Variants in IDE observed in about 807,000 individuals in gnomAD.
IDE encodes the protein insulin-degrading enzyme.
A neutral mutation model predicts 133.2 loss-of-function variants in IDE; 58 were observed. The ratio of observed to expected loss-of-function variants is 0.44; its 90% CI spans 0.35 to 0.54. IDE has a LOEUF of 0.54. Ranked by LOEUF, IDE falls within the 20% of genes least tolerant of loss-of-function variation. IDE has a pLI of 0.00. For synonymous variants in IDE, 396 were observed against 421.3 expected (o/e 0.94, Z 0.73); for missense variants, 981 against 1,234.0 (o/e 0.79, Z 3.07).
At chr10:92,559,252 A>G (rs1202866068) in intron 1 of IDE, 1 of 152,228 alleles carries the variant, frequency 6.6e-6, no homozygotes, top group Admixed American at 6.5e-5. Context: ...CATATGACCT[A>G]GCAATTCCGC....
intron 22 of IDE, 58 bp from the exon 23 acceptor site, chr10:92,456,489 G>A: frequency 8.8e-7 from 1 of 1,130,564 alleles, no homozygotes; most frequent in East Asian, 2.3e-5. Context: ...TTACAATGAG[G>A]TGTTCTCTGA....
At position 92,506,531 on chromosome 10, in the gene IDE, G is replaced by T. The variant is rs775097477; in HGVS notation, c.1246-9C>A. Reference sequence around the variant, plus strand: ...GCAACAGCATTCAAGTCCTAAAATAGAAAGTTAATCCAATTAGATACGGCC... The same window carrying T: ...GCAACAGCATTCAAGTCCTAAAATATAAAGTTAATCCAATTAGATACGGCC... On this transcript the variant is annotated splice_polypyrimidine_tract_variant and intron_variant, in intron 9 of 24. Coordinates refer to ENST00000265986, the MANE Select transcript of IDE (RefSeq NM_004969.4). The T allele has an allele frequency of 6.9e-7, 1 of 1,444,104 alleles. No homozygotes were observed. Among genetic ancestry groups the T allele is most frequent in the East Asian group, 2.3e-5 (1 of 43,528 alleles). The allele number at this position is 1,444,104 out of a possible 1,614,324, so 89.5% of individuals were successfully genotyped here. A position where few individuals can be genotyped will look rare whatever the true frequency, so the allele number is the denominator to read the frequency against.
intron 1 of IDE, among the ~76,000 whole-genome samples, chr10:92,552,288 G>A (rs998051769): frequency 2.6e-5 from 4 of 152,138 alleles, no homozygotes; most frequent in African/African-American, 9.7e-5. Context: ...TAGAATTGAG[G>A]AAATAAGAAA....
At position 92,554,023 on chromosome 10, in the gene IDE, A is replaced by G. The variant is rs183284195; in HGVS notation, c.99-16473T>C. 4.6e-3 allele frequency among the ~76,000 whole-genome samples: 695 copies of G among 152,352 alleles called. 2 individuals are homozygous for G. Among genetic ancestry groups the G allele is most frequent in the African/African-American group, 0.016 (655 of 41,588 alleles). On this transcript the variant is annotated intron_variant, in intron 1 of 24. Coordinates refer to ENST00000265986, the MANE Select transcript of IDE (RefSeq NM_004969.4). ...ACCAAAACTACACAAAGACACATCA[A>G]AAAAGGAAAACTACAGGCCAATATC...
In IDE at chr10:92,508,126, G is replaced by A. The variant is rs768474700; in HGVS notation, c.1140C>T (p.Thr380=). Residue 380 remains threonine (T), a synonymous_variant, in exon 8 of 25, where the codon ACC becomes ACT. Transcript: ENST00000265986. Reference sequence around the variant, plus strand: ...ATCAATACTTACATAATCCTTCCTCGGTCAAGTCCACATTAATGATAAAAA... The same window carrying A: ...ATCAATACTTACATAATCCTTCCTCAGTCAAGTCCACATTAATGATAAAAA... ...FMFFIINVDL[T]EEGLLHVEDI... is the part of the protein sequence containing the mutation. The A allele has an allele frequency of 5.3e-5, 85 of 1,610,404 alleles. No individual in the cohort carries two copies. Among genetic ancestry groups the A allele is most frequent in the Middle Eastern group, 1.6e-4 (1 of 6,074 alleles).
Position 92,463,777 on chromosome 10 carries a change from A to G in IDE, c.2715T>C (p.Ala905=), listed in dbSNP as rs776684607. 2 of 1,614,172 alleles carry G rather than the reference A, an allele frequency of 1.2e-6. No individual in the cohort carries two copies. Among genetic ancestry groups the G allele is most frequent in the Admixed American group, 3.3e-5 (2 of 60,024 alleles). ...DKPKKLSAEC[A]KYWGEIISQQ... The stretch of plus-strand genomic sequence containing the variant: ...GGGAGATGATTTCTCCCCAGTATTT[A>G]GCACACTCAGCAGATAGCTTCTTTG... Residue 905 remains alanine (A), a synonymous_variant, in exon 21 of 25, where the codon GCT becomes GCC. Coordinates refer to ENST00000265986, the MANE Select transcript of IDE (RefSeq NM_004969.4).
At chr10:92,503,453 A>C (rs940765938) in intron 11 of IDE, among the ~76,000 whole-genome samples, 4 of 152,152 alleles carry the variant, frequency 2.6e-5, no homozygotes, top group African/African-American at 9.7e-5. Context: ...TATTTAGCTG[A>C]ATCCTAGCAT....
chr10:92,470,280 G>A lies in IDE; in HGVS notation c.2182C>T (p.Leu728Phe). 2 of 1,605,154 alleles carry A rather than the reference G, an allele frequency of 1.2e-6. No individual in the cohort carries two copies. Among genetic ancestry groups the A allele is most frequent in the Non-Finnish European group, 1.7e-6 (2 of 1,175,218 alleles). Reference sequence around the variant, plus strand: ...TGCTTTGTTATGTTTCCATGGAGAAGGGCTTCAATGTGCAGCCGTGACAGG... The same window carrying A: ...TGCTTTGTTATGTTTCCATGGAGAAAGGCTTCAATGTGCAGCCGTGACAGG... ...QLLSRLHIEA[L>F]LHGNITKQAA... Residue 728 changes from leucine to phenylalanine, a missense_variant, in exon 18 of 25, where the codon CTT (leucine) becomes TTT (phenylalanine). Leu to Phe is a conservative substitution (Grantham distance 22). Coordinates refer to ENST00000265986, the MANE Select transcript of IDE (RefSeq NM_004969.4).
intron 4 of IDE, among the ~76,000 whole-genome samples, chr10:92,526,916 T>G (rs1849658118): frequency 2.0e-5 from 3 of 147,934 alleles, no homozygotes; most frequent in South Asian, 2.1e-4. Context: ...AACTTCTGGG[T>G]GCAAACCATC....
At chr10:92,538,778 C>CCAAAA (rs34593706) in intron 1 of IDE, among the ~76,000 whole-genome samples, 1 of 41,556 alleles carries the variant, frequency 2.4e-5, no homozygotes, top group Admixed American at 2.5e-4. Flanking sequence ...GCTTAATAGA[C>CCAAAA]AAAAAAAAAA....
At position 92,550,699 on chromosome 10, in the gene IDE, G is replaced by A. The variant is rs962211393; in HGVS notation, c.99-13149C>T. Among the ~76,000 whole-genome samples the A allele has an allele frequency of 4.2e-5, 6 of 143,576 alleles. No individual in the cohort carries two copies. In the East Asian group the frequency reaches 6.1e-4, roughly 15 times the overall value. 94.2% of individuals were successfully genotyped at this position (143,576 alleles called of 152,430 possible). The stretch of plus-strand genomic sequence containing the variant: ...ATCGTGGCCAACATGGTGAAACCCC[G>A]TTTCTACTAAAAATATAAAAATTAG... On this transcript the variant is annotated intron_variant, in intron 1 of 24. Transcript: ENST00000265986.
intron 4 of IDE, among the ~76,000 whole-genome samples, chr10:92,519,568 T>C (rs1849107243): frequency 6.6e-6 from 1 of 152,192 alleles, no homozygotes; most frequent in African/African-American, 2.4e-5. Context: ...ATGTGCTAAT[T>C]AAGCAACCTT....
intron 21 of IDE, 39 bp downstream of exon 21, chr10:92,463,692 T>C (rs1267931570): frequency 2.5e-6 from 4 of 1,568,886 alleles, no homozygotes; most frequent in Non-Finnish European, 3.5e-6. Flanking sequence ...CAAATGTTAC[T>C]TGAATGCCAT....
At chr10:92,551,544 G>A (rs1453656539) in intron 1 of IDE, among the ~76,000 whole-genome samples, 1 of 145,218 alleles carries the variant, frequency 6.9e-6, no homozygotes, top group East Asian at 2.1e-4. Flanking sequence ...CTCCAGCCTG[G>A]TGACAGAGCA....
chr10:92,544,537 G>A (rs538023221), intron 1 of IDE, among the ~76,000 whole-genome samples: 26 of 152,328 alleles, frequency 1.7e-4, no homozygotes, highest in South Asian at 6.2e-4. Context: ...AAGAGGAAGC[G>A]TGGGAAGGGG....
intron 1 of IDE, among the ~76,000 whole-genome samples, chr10:92,550,199 A>C (rs1173299030): frequency 6.6e-6 from 1 of 151,904 alleles, no homozygotes; most frequent in Admixed American, 6.6e-5. Flanking sequence ...GACCTATATT[A>C]AAATAAAAAA....
chr10:92,522,105 G>T (rs1849256073), intron 4 of IDE, among the ~76,000 whole-genome samples: 1 of 152,118 alleles, frequency 6.6e-6, no homozygotes, highest in Admixed American at 6.6e-5. Context: ...ATAAGGGTGG[G>T]AGGGAAGAGA....
At position 92,547,558 on chromosome 10, in the gene IDE, C is replaced by T. The variant is rs75747954; in HGVS notation, c.99-10008G>A. 3.3e-3 allele frequency among the ~76,000 whole-genome samples: 506 copies of T among 152,190 alleles called. 2 individuals are homozygous for T. The highest frequency in any genetic ancestry group is 0.012 in the African/African-American group (483 of 41,520). ...TTTTAAATATTTGCATTACATTTAC[C>T]GATAGAGCATCTACTTTGAGCATCA... is the stretch of plus-strand genomic sequence containing the variant. On this transcript the variant is annotated intron_variant, in intron 1 of 24. Transcript: ENST00000265986.
chr10:92,567,061 C>T (rs1843590645), intron 1 of IDE, among the ~76,000 whole-genome samples: 1 of 152,182 alleles, frequency 6.6e-6, no homozygotes, highest in South Asian at 2.1e-4. Flanking sequence ...AATCTACAAA[C>T]TAGATTTCAT....
Sources: gnomAD v4.1 joint callset for allele counts (sites outside exome capture counted in the v4.1 genomes callset) on GRCh38, gnomAD v4.1.1 for gene constraint, MANE v1.5 for transcripts, NCBI Gene and HGNC (gene_info 2026-07-23, HGNC 2026-07-21) for gene names.